The following WWOX variants were observed in gnomAD, a reference collection of about 807,000 sequenced individuals.
The protein encoded by WWOX is WW domain-containing oxidoreductase.
A neutral mutation model predicts 46.2 loss-of-function variants in WWOX; 69 were observed. The ratio of observed to expected loss-of-function variants is 1.49; its 90% confidence interval spans 1.23 to 1.82. WWOX has a LOEUF of 1.82. Among genes scored for constraint, WWOX ranks in the 40% most tolerant of loss-of-function variants. The pLI is 0.00. For synonymous variants in WWOX, 359 were observed against 202.6 expected (o/e 1.77, Z -6.56); for missense variants, 919 against 542.6 (o/e 1.69, Z -6.89).
chr16:78,367,020 C>T (rs998687694), intron 5 of WWOX, among the ~76,000 whole-genome samples: 2 of 131,534 alleles, frequency 1.5e-5, no homozygotes, highest in Non-Finnish European at 3.1e-5. Flanking sequence ...TGCTCTGTTG[C>T]CCAGGCTGGA....
intron 4 of WWOX, among the ~76,000 whole-genome samples, chr16:78,134,343 AT>A (rs56115665): frequency 0.33 from 48,955 of 150,040 alleles, 8,323 homozygotes; most frequent in African/African-American, 0.43. Flanking sequence ...TGCAAAGACT[AT>A]TTTTTTTTTT....
At chr16:78,377,541 A>G (rs2081859031) in intron 5 of WWOX, among the ~76,000 whole-genome samples, 1 of 152,202 alleles carries the variant, frequency 6.6e-6, no homozygotes, top group African/African-American at 2.4e-5. Context: ...TTCACTATGA[A>G]AAAAAGCTCT....
intron 5 of WWOX, among the ~76,000 whole-genome samples, chr16:78,267,310 G>A (rs1176702592): frequency 6.6e-6 from 1 of 152,216 alleles, no homozygotes; most frequent in African/African-American, 2.4e-5. Flanking sequence ...TATGTGTGGA[G>A]TGCTTAATGT....
At chr16:79,201,750 CCTGA>C (rs145738592) in intron 8 of WWOX, among the ~76,000 whole-genome samples, 1,730 of 151,142 alleles carry the variant, frequency 0.011, 32 homozygotes, top group African/African-American at 0.039. Context: ...CTTTTGTCTT[CCTGA>C]CTTTTTTCTT....
chr16:78,694,253 G>T (rs937083455), intron 8 of WWOX, among the ~76,000 whole-genome samples: 1 of 152,130 alleles, frequency 6.6e-6, no homozygotes, highest in African/African-American at 2.4e-5. Flanking sequence ...AAATGGTACA[G>T]TCAGAGGTTA....
At chr16:78,545,876 C>T (rs898845805) in intron 8 of WWOX, among the ~76,000 whole-genome samples, 1 of 152,116 alleles carries the variant, frequency 6.6e-6, no homozygotes, top group African/African-American at 2.4e-5. Flanking sequence ...GTCTCTTCCT[C>T]CTCTTATAAG....
intron 8 of WWOX, among the ~76,000 whole-genome samples, chr16:78,659,939 ACATGCTGTTAGTG>A (rs1853341833): frequency 6.6e-6 from 1 of 152,158 alleles, no homozygotes; most frequent in Non-Finnish European, 1.5e-5. Context: ...CAGAAATTTA[ACATGCTGTTAGTG>A]CATGCAAAAA....
At chr16:78,923,396 C>G (rs1237513900) in intron 8 of WWOX, among the ~76,000 whole-genome samples, 1 of 152,118 alleles carries the variant, frequency 6.6e-6, no homozygotes, top group Non-Finnish European at 1.5e-5. Flanking sequence ...ATAGAGCAGT[C>G]ATTTTCTTCT....
At chr16:79,143,586 T>G (rs974095506) in intron 8 of WWOX, among the ~76,000 whole-genome samples, 1 of 152,204 alleles carries the variant, frequency 6.6e-6, no homozygotes, top group African/African-American at 2.4e-5. Context: ...AAAAATAGTT[T>G]TAGGGATGAT....
intron 8 of WWOX, among the ~76,000 whole-genome samples, chr16:78,574,626 T>C (rs572408942): frequency 2.6e-5 from 4 of 152,154 alleles, no homozygotes; most frequent in Admixed American, 2.0e-4. Context: ...TTTCACTGTA[T>C]ATGTGAACCA....
At chr16:78,752,580 C>A (rs1317471494) in intron 8 of WWOX, among the ~76,000 whole-genome samples, 4 of 152,156 alleles carry the variant, frequency 2.6e-5, no homozygotes, top group Non-Finnish European at 4.4e-5. Flanking sequence ...CAAGAATATT[C>A]TTTCTAATAT....
chr16:78,643,826 C>CAAA (rs5818156), intron 8 of WWOX, among the ~76,000 whole-genome samples: 10 of 138,562 alleles, frequency 7.2e-5, no homozygotes, highest in Admixed American at 1.4e-4. Context: ...CCCCTAACTC[C>CAAA]AAAAAAAAAA....
intron 8 of WWOX, among the ~76,000 whole-genome samples, chr16:78,761,295 T>C (rs2049786857): frequency 2.6e-5 from 4 of 152,218 alleles, no homozygotes; most frequent in South Asian, 4.1e-4. Flanking sequence ...TCGGATCTGC[T>C]TGTCTTTATC....
chr16:78,814,778 C>G (rs902185013), intron 8 of WWOX, among the ~76,000 whole-genome samples: 1 of 152,196 alleles, frequency 6.6e-6, no homozygotes, highest in African/African-American at 2.4e-5. Flanking sequence ...ACAGCCAAGG[C>G]CTTCTGGTTG....
At chr16:78,257,109 G>A (rs957398318) in intron 5 of WWOX, among the ~76,000 whole-genome samples, 4 of 151,926 alleles carry the variant, frequency 2.6e-5, no homozygotes, top group Admixed American at 6.6e-5. Context: ...GGCTCGTGGC[G>A]TGGGGTCTTC....
intron 8 of WWOX, among the ~76,000 whole-genome samples, chr16:79,094,221 G>A (rs1350030566): frequency 1.3e-5 from 2 of 150,052 alleles, no homozygotes; most frequent in Non-Finnish European, 1.5e-5. Context: ...CAGCGCTCTC[G>A]TCTGCATTTC....
intron 8 of WWOX, among the ~76,000 whole-genome samples, chr16:79,183,715 G>A (rs756493530): frequency 2.0e-5 from 3 of 152,210 alleles, no homozygotes; most frequent in African/African-American, 7.2e-5. Context: ...ACCTACGGAG[G>A]TGGTTTCTAC....
At chr16:79,100,631 G>A (rs776651688) in intron 8 of WWOX, among the ~76,000 whole-genome samples, 23 of 152,004 alleles carry the variant, frequency 1.5e-4, no homozygotes, top group Non-Finnish European at 2.2e-4. Context: ...TTGACAGGCC[G>A]CGTTGCAATT....
At chr16:78,764,753 G>A (rs1170825843) in intron 8 of WWOX, among the ~76,000 whole-genome samples, 3 of 151,258 alleles carry the variant, frequency 2.0e-5, no homozygotes, top group Non-Finnish European at 4.4e-5. Context: ...ATTCAATGAG[G>A]TACTGCTTGC....
Sources: gnomAD v4.1 joint callset for allele counts (sites outside exome capture counted in the v4.1 genomes callset) on GRCh38, gnomAD v4.1.1 for gene constraint, MANE v1.5 for transcripts, NCBI Gene and HGNC (gene_info 2026-07-23, HGNC 2026-07-21) for gene names.